TOMM20: variants seen among roughly 807,000 people sequenced by gnomAD.
TOMM20 encodes the protein mitochondrial import receptor subunit TOM20 homolog.
TOMM20 carries 10 observed loss-of-function variants against 22.1 expected under a neutral mutation model. The observed-to-expected ratio is 0.45, with a 90% CI of 0.28 to 0.77. The LOEUF (loss-of-function observed/expected upper bound fraction) is 0.77, where lower values mean the gene tolerates loss of function less well. Among genes scored for constraint, TOMM20 ranks in the 30% least tolerant of loss-of-function variants. The pLI is 0.13. For synonymous variants in TOMM20, 55 were observed against 61.4 expected (o/e 0.90, Z 0.49); for missense variants, 121 against 172.2 (o/e 0.70, Z 1.66).
intron 4 of TOMM20, 101 bp from the exon 5 acceptor site, chr1:235,112,209 A>T: frequency 1.1e-6 from 1 of 950,334 alleles, no homozygotes; most frequent in Non-Finnish European, 1.6e-6. Flanking sequence ...ATTGAATCTT[A>T]GTAAAGTTCA....
intron 3 of TOMM20, among the ~76,000 whole-genome samples, chr1:235,115,757 T>G (rs1039913058): frequency 3.9e-5 from 6 of 152,260 alleles, no homozygotes; most frequent in African/African-American, 1.4e-4. Flanking sequence ...TCAAGGATGT[T>G]TGTACAGTAA....
chr1:235,120,001 CA>C, intron 2 of TOMM20, 102 bp from the exon 3 acceptor site: 1 of 654,156 alleles, frequency 1.5e-6, no homozygotes, highest in South Asian at 3.6e-5. Context: ...CCAAATCACT[CA>C]TTCTAAAAAA....
At chr1:235,116,697 T>G (rs1309846619) in intron 3 of TOMM20, among the ~76,000 whole-genome samples, 1 of 151,436 alleles carries the variant, frequency 6.6e-6, no homozygotes, top group Non-Finnish European at 1.5e-5. Flanking sequence ...GGCAACAGAA[T>G]GAGATGCCAT....
At chr1:235,126,300 T>G (rs2102813941) in intron 1 of TOMM20, among the ~76,000 whole-genome samples, 1 of 151,138 alleles carries the variant, frequency 6.6e-6, no homozygotes, top group African/African-American at 2.4e-5. Flanking sequence ...ACCCGGCTAA[T>G]TTTTGTATTT....
chr1:235,121,484 T>G (rs1463790497), intron 2 of TOMM20, among the ~76,000 whole-genome samples: 1 of 152,266 alleles, frequency 6.6e-6, no homozygotes, highest in East Asian at 1.9e-4. Flanking sequence ...AAAGGTAGTC[T>G]GATCCTACTA....
intron 3 of TOMM20, among the ~76,000 whole-genome samples, chr1:235,119,076 C>G (rs1007792125): frequency 1.3e-5 from 2 of 152,188 alleles, no homozygotes; most frequent in Admixed American, 1.3e-4. Context: ...ATTGATACAG[C>G]AATCAGAATT....
At position 235,111,452 on chromosome 1, in the gene TOMM20, GAGATAAATACCCAGA is replaced by G. The variant is rs1363407950; in HGVS notation, c.*597_*611del. 6.6e-6 allele frequency: 1 copy of G among 152,560 alleles called. No individual in the cohort carries two copies. Among genetic ancestry groups the G allele is most frequent in the African/African-American group, 2.4e-5 (1 of 41,420 alleles). The allele number at this position is 152,560 out of a possible 1,614,324, so 9.5% of individuals were successfully genotyped here. Reference sequence around the variant, plus strand: ...CAACTACATATATTTAAAATACAAGGAGATAAATACCCAGAACACATTAAGCCTACTGATTTAAAC... The same window carrying G: ...CAACTACATATATTTAAAATACAAGGACACATTAAGCCTACTGATTTAAAC... On this transcript the variant is annotated 3_prime_UTR_variant, in exon 5 of 5. Coordinates refer to ENST00000366607, the MANE Select transcript of TOMM20 (RefSeq NM_014765.3).
chr1:235,116,897 A>T (rs1411379503), intron 3 of TOMM20, among the ~76,000 whole-genome samples: 1 of 152,212 alleles, frequency 6.6e-6, no homozygotes, highest in Non-Finnish European at 1.5e-5. Context: ...GCACTTTGGG[A>T]GGCCAAGGCG....
intron 2 of TOMM20, among the ~76,000 whole-genome samples, chr1:235,121,902 G>A (rs192729460): frequency 1.5e-4 from 23 of 152,330 alleles, no homozygotes; most frequent in Non-Finnish European, 3.2e-4. Context: ...GTGGGATTCT[G>A]GATCAGTGGG....
chr1:235,120,942 C>CAA (rs1195771393), intron 2 of TOMM20, among the ~76,000 whole-genome samples: 1 of 151,570 alleles, frequency 6.6e-6, no homozygotes, highest in Non-Finnish European at 1.5e-5. Flanking sequence ...TGGCTCATGC[C>CAA]TGTAATCCCA....
chr1:235,128,772 G>C lies in TOMM20; in HGVS notation c.-57C>G, dbSNP rs1309498005. On this transcript the variant is annotated 5_prime_UTR_variant, in exon 1 of 5. Coordinates refer to ENST00000366607, the MANE Select transcript of TOMM20 (RefSeq NM_014765.3). ...GGCAGGGACCGCGAAGGAGCGGTGGGCCACGAACCCTCAGAGCGGTCGGCG... is the reference window on the plus strand; with the variant it reads ...GGCAGGGACCGCGAAGGAGCGGTGGCCCACGAACCCTCAGAGCGGTCGGCG... The C allele has an allele frequency of 1.9e-6, 3 of 1,609,420 alleles. No individual in the cohort carries two copies. Among genetic ancestry groups the C allele is most frequent in the East Asian group, 2.2e-5 (1 of 44,840 alleles).
At chr1:235,122,212 A>G in intron 2 of TOMM20, 114 bp downstream of exon 2, 1 of 844,262 alleles carries the variant, frequency 1.2e-6, no homozygotes, top group Non-Finnish European at 1.7e-6. Flanking sequence ...ATAAAAAAGC[A>G]ATGTCCAGTA....
rs1202626817 is a variant in TOMM20 at position 235,111,962 on chromosome 1, T to C, written c.*102A>G. ...TTAACTTTGGTAGATTTCAGTGTAGTTCATAACAAGCATATTTGCCCTTAT... is the reference window on the plus strand; with the variant it reads ...TTAACTTTGGTAGATTTCAGTGTAGCTCATAACAAGCATATTTGCCCTTAT... On this transcript the variant is annotated 3_prime_UTR_variant, in exon 5 of 5. Coordinates refer to ENST00000366607, the MANE Select transcript of TOMM20 (RefSeq NM_014765.3). 44 of 882,112 alleles carry C rather than the reference T, an allele frequency of 5.0e-5. No individual in the cohort carries two copies. Among genetic ancestry groups the C allele is most frequent in the Non-Finnish European group, 7.2e-5 (39 of 539,012 alleles). 54.6% of individuals were successfully genotyped at this position (882,112 alleles called of 1,614,324 possible).
At chr1:235,125,414 A>C (rs1208415643) in intron 1 of TOMM20, among the ~76,000 whole-genome samples, 1 of 151,986 alleles carries the variant, frequency 6.6e-6, no homozygotes, top group East Asian at 1.9e-4. Flanking sequence ...ACGGGGTTTC[A>C]CCATGTTAGC....
chr1:235,124,996 A>AT (rs1438199048), intron 1 of TOMM20, among the ~76,000 whole-genome samples: 5 of 152,186 alleles, frequency 3.3e-5, no homozygotes, highest in Admixed American at 6.5e-5. Context: ...TTAATGTGTC[A>AT]TTTTATCCGT....
chr1:235,120,105 T>TCTTA (rs1468038359), intron 2 of TOMM20, among the ~76,000 whole-genome samples: 4 of 152,202 alleles, frequency 2.6e-5, no homozygotes, highest in African/African-American at 9.6e-5. Flanking sequence ...AGTTTGTAGT[T>TCTTA]GAATAATTCT....
At chr1:235,124,239 C>G (rs1218883773) in intron 1 of TOMM20, among the ~76,000 whole-genome samples, 1 of 152,182 alleles carries the variant, frequency 6.6e-6, no homozygotes, top group Admixed American at 6.5e-5. Flanking sequence ...CCTAGCTACT[C>G]GAGAGGCTGT....
At chr1:235,120,249 T>C (rs945343292) in intron 2 of TOMM20, among the ~76,000 whole-genome samples, 8 of 152,176 alleles carry the variant, frequency 5.3e-5, no homozygotes, top group Non-Finnish European at 1.2e-4. Flanking sequence ...TGATTCAACA[T>C]TATTTTATAC....
chr1:235,117,077 G>A (rs1318616005), intron 3 of TOMM20, among the ~76,000 whole-genome samples: 4 of 139,612 alleles, frequency 2.9e-5, no homozygotes, highest in Non-Finnish European at 4.5e-5. Flanking sequence ...AGAGCTTGCA[G>A]TGAGCGGAGA....
Sources: allele counts gnomAD v4.1 joint callset (sites outside exome capture counted in the v4.1 genomes callset), GRCh38; gene constraint gnomAD v4.1.1; transcripts MANE v1.5; gene names NCBI Gene and HGNC (gene_info 2026-07-23, HGNC 2026-07-21).